BMP2K: variants seen among roughly 807,000 people sequenced by gnomAD.
BMP2K encodes the protein BMP-2-inducible protein kinase.
Under a neutral mutation model 116.0 loss-of-function variants are expected in BMP2K, and 74 were observed. The observed-to-expected ratio is 0.64, with a 90% confidence interval of 0.53 to 0.77. BMP2K has a LOEUF of 0.77. Among genes scored for constraint, BMP2K ranks in the 30% least tolerant of loss-of-function variants. BMP2K has a pLI of 0.00. For missense variants in BMP2K, 1,365 were observed against 1,403.6 expected (o/e 0.97, Z 0.44); for synonymous variants, 486 against 502.5 (o/e 0.97, Z 0.44).
intron 1 of BMP2K, among the ~76,000 whole-genome samples, chr4:78,785,471 G>C (rs28515480): frequency 0.19 from 29,219 of 152,060 alleles, 6,068 homozygotes; most frequent in African/African-American, 0.52. Flanking sequence ...TTACATGCTA[G>C]TCCTTGAGAT....
At position 78,842,504 on chromosome 4, in the gene BMP2K, C is replaced by A. The variant is rs759845684; in HGVS notation, c.523C>A (p.Pro175Thr). The change falls in exon 4 of 16, where the codon CCA becomes ACA. Residue 175 changes from proline to threonine, a missense_variant. Coordinates refer to ENST00000502613, the MANE Select transcript of BMP2K (RefSeq NM_198892.2). ...TGCAAGGTTGCATCAGTGTAAGACT[C>A]CAATAATTCACCGGGATCTGAAGGT... ...AVARLHQCKTPIIHRDLKVEN... is the reference protein window; with the variant it reads ...AVARLHQCKTTIIHRDLKVEN... 1.5e-5 allele frequency: 24 copies of A among 1,582,474 alleles called. 1 individual carries two copies. Among genetic ancestry groups the A allele is most frequent in the Admixed American group, 1.4e-4 (8 of 59,046 alleles).
chr4:78,878,845 A>C lies in BMP2K; in HGVS notation c.1905A>C (p.Leu635Phe), dbSNP rs1361195882. The C allele has an allele frequency of 7.4e-6, 12 of 1,613,630 alleles. No individual in the cohort carries two copies. Among genetic ancestry groups the C allele is most frequent in the Middle Eastern group, 1.7e-4 (1 of 6,054 alleles). ...TTGGAGAGGATAATTTCTCTAAGTT[A>C]ACAGAAGAGGAACTATTGGACAGAG... ...NPFGEDNFSK[L>F]TEEELLDREF... The change falls in exon 14 of 16, where the codon TTA becomes TTC. Residue 635 changes from leucine to phenylalanine, a missense_variant. By Grantham distance (22) the Leu-to-Phe change is conservative. Around this residue, in one of 3 missense-constraint regions of BMP2K, gnomAD observed 7 missense variants for 23.6 expected, o/e 0.30. Coordinates refer to ENST00000502613, the MANE Select transcript of BMP2K (RefSeq NM_198892.2).
intron 12 of BMP2K, 114 bp downstream of exon 12, chr4:78,872,062 CA>C: frequency 1.3e-6 from 1 of 784,616 alleles, no homozygotes; most frequent in Non-Finnish European, 2.0e-6. Context: ...AGTTAATTGA[CA>C]TGTATTTTAT....
intron 3 of BMP2K, among the ~76,000 whole-genome samples, chr4:78,838,250 C>T (rs1285140291): frequency 6.6e-6 from 1 of 152,198 alleles, no homozygotes; most frequent in African/African-American, 2.4e-5. Context: ...GACTTGCCCC[C>T]ATGTTTCAGC....
intron 14 of BMP2K, among the ~76,000 whole-genome samples, chr4:78,884,947 A>C (rs1315400201): frequency 2.0e-5 from 3 of 152,180 alleles, no homozygotes; most frequent in Non-Finnish European, 4.4e-5. Flanking sequence ...CAAAATAATA[A>C]AAAGTTTTTA....
At chr4:78,863,108 G>A (rs191146334) in intron 9 of BMP2K, among the ~76,000 whole-genome samples, 1 of 152,038 alleles carries the variant, frequency 6.6e-6, no homozygotes, top group African/African-American at 2.4e-5. Flanking sequence ...AGAGTTACAA[G>A]ACAATGAAAT....
At position 78,826,060 on chromosome 4, in the gene BMP2K, G is replaced by C. The variant is rs770167074; in HGVS notation, c.202G>C (p.Val68Leu). Residue 68 changes from valine to leucine, a missense_variant, in exon 2 of 16, where the codon GTG (valine) becomes CTG (leucine). By Grantham distance (32) the Val-to-Leu change is conservative. Around this residue, in one of 3 missense-constraint regions of BMP2K, gnomAD observed 762 missense variants for 756.7 expected, o/e 1.01. Transcript: ENST00000502613. ...AGGTGGATTCTCCACAGTTTTCCTC[G>C]TGCGTACTCACGGTGGAATCCGATG... ...AEGGFSTVFL[V>L]RTHGGIRCAL... 6.2e-7 allele frequency: 1 copy of C among 1,613,364 alleles called. No homozygotes were observed.
intron 15 of BMP2K, among the ~76,000 whole-genome samples, chr4:78,901,440 A>T (rs1734002272): frequency 6.6e-6 from 1 of 152,160 alleles, no homozygotes; most frequent in African/African-American, 2.4e-5. Flanking sequence ...TAAATGAGTT[A>T]TGCTAGTTTT....
intron 15 of BMP2K, among the ~76,000 whole-genome samples, chr4:78,889,908 G>A (rs1443646568): frequency 6.6e-6 from 1 of 152,178 alleles, no homozygotes; most frequent in African/African-American, 2.4e-5. Context: ...ACTTAGTTAA[G>A]TTTTAAGTCT....
intron 7 of BMP2K, among the ~76,000 whole-genome samples, chr4:78,853,489 T>C (rs1731354909): frequency 6.6e-6 from 1 of 151,950 alleles, no homozygotes; most frequent in Non-Finnish European, 1.5e-5. Context: ...GATCCAGGAG[T>C]TGAAAAGAAC....
intron 15 of BMP2K, among the ~76,000 whole-genome samples, chr4:78,901,117 T>A (rs1397690860): frequency 6.6e-6 from 1 of 152,116 alleles, no homozygotes; most frequent in African/African-American, 2.4e-5. Flanking sequence ...ATCATAGGCT[T>A]ACTACAGCCC....
rs1734745330 is a variant in BMP2K, at chr4:78,913,055, T to A, written c.*1022T>A. ...TCAAGACATTTACAATGTGAAATCA[T>A]GTTGCATTTAACAATGTACTTTATT... On this transcript the variant is annotated 3_prime_UTR_variant, in exon 16 of 16. Transcript: ENST00000502613. 1.3e-5 allele frequency: 2 copies of A among 152,234 alleles called. No homozygotes were observed. The highest frequency in any genetic ancestry group is 4.8e-5 in the African/African-American group (2 of 41,468). 9.4% of individuals were successfully genotyped at this position (152,234 alleles called of 1,614,324 possible). A position where few individuals can be genotyped will look rare whatever the true frequency, so the allele number is the denominator to read the frequency against.
At chr4:78,830,141 T>C (rs1165037305) in intron 2 of BMP2K, among the ~76,000 whole-genome samples, 1 of 152,192 alleles carries the variant, frequency 6.6e-6, no homozygotes, top group African/African-American at 2.4e-5. Flanking sequence ...ATTCCCAAAA[T>C]GCTAGGATTA....
intron 1 of BMP2K, among the ~76,000 whole-genome samples, chr4:78,821,383 A>G (rs1003652470): frequency 1.3e-5 from 2 of 152,112 alleles, no homozygotes; most frequent in Non-Finnish European, 1.5e-5. Context: ...CAGAAAAAAA[A>G]CACTGTTTCC....
At chr4:78,829,765 CTTT>C (rs1328655342) in intron 2 of BMP2K, among the ~76,000 whole-genome samples, 2 of 106,528 alleles carry the variant, frequency 1.9e-5, no homozygotes, top group African/African-American at 1.0e-4. Flanking sequence ...CTTTTCTTTT[CTTT>C]TCTTTTCTTT....
chr4:78,860,571 A>G (rs950938040), intron 8 of BMP2K, among the ~76,000 whole-genome samples: 3 of 151,880 alleles, frequency 2.0e-5, no homozygotes, highest in African/African-American at 7.2e-5. Context: ...CACTGACTGT[A>G]CAGTGCATTT....
In BMP2K at chr4:78,776,520, G is replaced by T. The variant is rs1727241988; in HGVS notation, c.-24G>T. On this transcript the variant is annotated 5_prime_UTR_variant, in exon 1 of 16. Coordinates refer to ENST00000502613, the MANE Select transcript of BMP2K (RefSeq NM_198892.2). Reference sequence around the variant, plus strand: ...GGACTTGCCCTTGCACGCTCCCTGCGCCCTCCAGCTCGCCGGCGGGACCAT... The same window carrying T: ...GGACTTGCCCTTGCACGCTCCCTGCTCCCTCCAGCTCGCCGGCGGGACCAT... 1 of 1,136,360 alleles carries T rather than the reference G, an allele frequency of 8.8e-7. No individual in the cohort carries two copies. The highest frequency in any genetic ancestry group is 1.1e-6 in the Non-Finnish European group (1 of 923,926). 70.4% of individuals were successfully genotyped at this position (1,136,360 alleles called of 1,614,324 possible).
intron 7 of BMP2K, among the ~76,000 whole-genome samples, chr4:78,857,708 T>C (rs1731569082): frequency 6.6e-6 from 1 of 152,118 alleles, no homozygotes; most frequent in Non-Finnish European, 1.5e-5. Flanking sequence ...CACTCACTGC[T>C]ATTCCTTAAG....
chr4:78,776,500 T>C lies in BMP2K; in HGVS notation c.-44T>C. 1 of 1,121,824 alleles carries C rather than the reference T, an allele frequency of 8.9e-7. No homozygotes were observed. The highest frequency in any genetic ancestry group is 5.1e-5 in the East Asian group (1 of 19,630). 69.5% of individuals were successfully genotyped at this position (1,121,824 alleles called of 1,614,324 possible). ...CCGGCTGCGCGCCGGGCCGGGGACT[T>C]GCCCTTGCACGCTCCCTGCGCCCTC... On this transcript the variant is annotated 5_prime_UTR_variant, in exon 1 of 16. Transcript: ENST00000502613.
Sources: allele counts gnomAD v4.1 joint callset (sites outside exome capture counted in the v4.1 genomes callset), GRCh38; gene constraint gnomAD v4.1.1; regional missense constraint gnomAD v4.1.1; transcripts MANE v1.5; gene names NCBI Gene and HGNC (gene_info 2026-07-23, HGNC 2026-07-21).